The following FANCA variants were observed in gnomAD, a reference collection of about 807,000 sequenced individuals.
FANCA encodes the protein FA complementation group A.
A neutral mutation model predicts 194.3 loss-of-function variants in FANCA; 236 were observed. That is an observed-to-expected ratio of 1.21 (90% CI 1.09 to 1.35). The LOEUF (loss-of-function observed/expected upper bound fraction) is 1.35. Ranked by LOEUF, FANCA falls within the 40% of genes most tolerant of loss-of-function variation. The pLI is 0.00. For missense variants in FANCA, 2,628 were observed against 1,813.9 expected, an observed-to-expected ratio of 1.45 and a Z score of -8.15; for synonymous variants, 1,014 against 715.8, an observed-to-expected ratio of 1.42 and a Z score of -6.65.
chr16:89,789,282 G>A (rs536374725), intron 14 of FANCA, among the ~76,000 whole-genome samples: 1 of 133,536 alleles, frequency 7.5e-6, no homozygotes, highest in East Asian at 3.0e-4. Context: ...AGCCTCCTGT[G>A]CAGCCTCAGC....
chr16:89,770,479 A>G, intron 24 of FANCA, 85 bp downstream of exon 24: 3 of 1,310,864 alleles, frequency 2.3e-6, no homozygotes, highest in South Asian at 2.5e-5. Flanking sequence ...AGACGAGCTC[A>G]TGAGTCCCTG....
At chr16:89,756,305 T>C (rs1225866617) in intron 30 of FANCA, among the ~76,000 whole-genome samples, 3 of 152,126 alleles carry the variant, frequency 2.0e-5, no homozygotes, top group Admixed American at 2.0e-4. Context: ...GAAACCACTA[T>C]CAAATAGCAC....
At chr16:89,744,184 C>G (rs563289024) in intron 36 of FANCA, among the ~76,000 whole-genome samples, 2 of 152,216 alleles carry the variant, frequency 1.3e-5, no homozygotes, top group African/African-American at 4.8e-5. Context: ...TGTGCGCCAC[C>G]GCGCCGGGGC....
chr16:89,808,428 C>G, intron 5 of FANCA, 61 bp from the exon 6 acceptor site: 1 of 1,507,894 alleles, frequency 6.6e-7, no homozygotes, highest in Non-Finnish European at 9.2e-7. Flanking sequence ...ATTCTGAGTC[C>G]TTTATGAATG....
chr16:89,747,054 T>C (rs2038415968), intron 33 of FANCA, among the ~76,000 whole-genome samples, 164 bp from the exon 34 acceptor site: 1 of 152,222 alleles, frequency 6.6e-6, no homozygotes, highest in Admixed American at 6.5e-5. Context: ...GCGCCCTGGC[T>C]GTGCTGTCCT....
Position 89,791,964 on chromosome 16 carries a change from C to T in FANCA, c.1188G>A (p.Leu396=), listed in dbSNP as rs759626747. 1 of 1,614,198 alleles carries T rather than the reference C, an allele frequency of 6.2e-7. No homozygotes were observed. The change falls in exon 13 of 43, where the codon CTG becomes CTA. Residue 396 remains leucine, a synonymous_variant. Transcript: ENST00000389301. ...WQRVLSFVSA[L]VVCFPEAQQL... Reference sequence around the variant, plus strand: ...GCTGCGCTTCTGGAAAGCAGACAACCAGGGCAGACACAAAGGAGAGCACTC... The same window carrying T: ...GCTGCGCTTCTGGAAAGCAGACAACTAGGGCAGACACAAAGGAGAGCACTC...
intron 6 of FANCA, among the ~76,000 whole-genome samples, chr16:89,806,419 G>A (rs4544242): frequency 0.45 from 65,972 of 145,668 alleles, 16,137 homozygotes; most frequent in East Asian, 0.98. Flanking sequence ...CAGGGTCATA[G>A]GACAATGGTG....
At position 89,737,968 on chromosome 16, in the gene FANCA, T is replaced by TC. The variant is rs2062004417; in HGVS notation, c.*632dup. 2.5e-6 allele frequency: 4 copies of TC among 1,613,924 alleles called. No individual in the cohort carries two copies. Among genetic ancestry groups the TC allele is most frequent in the Non-Finnish European group, 2.5e-6 (3 of 1,179,986 alleles). ...CCTCGCACCTTCTTATCTGCCTCTG[T>TC]CCCCCAGGTGTGAGGTCTGTGGGTT... On this transcript the variant is annotated 3_prime_UTR_variant, in exon 43 of 43. Coordinates refer to ENST00000389301, the MANE Select transcript of FANCA (RefSeq NM_000135.4).
chr16:89,767,322 G>T (rs1326653432), intron 26 of FANCA, 85 bp from the exon 27 acceptor site: 1 of 968,970 alleles, frequency 1.0e-6, no homozygotes, highest in Non-Finnish European at 1.6e-6. Context: ...TCATAAAACT[G>T]AATTTAGTGC....
chr16:89,795,873 G>C, intron 11 of FANCA, 33 bp downstream of exon 11: 1 of 1,516,820 alleles, frequency 6.6e-7, no homozygotes, highest in Non-Finnish European at 9.2e-7. Flanking sequence ...CCCAAAATGG[G>C]TAGCAACTGA....
chr16:89,761,868 T>G, intron 29 of FANCA, 81 bp downstream of exon 29: 3 of 1,117,152 alleles, frequency 2.7e-6, no homozygotes. Flanking sequence ...TCAAGAGATC[T>G]CCTGCCTCAG....
intron 36 of FANCA, among the ~76,000 whole-genome samples, chr16:89,743,428 G>A (rs2062180104): frequency 6.6e-6 from 1 of 152,192 alleles, no homozygotes; most frequent in African/African-American, 2.4e-5. Context: ...AAATAAGCTG[G>A]GCATGACGGT....
intron 14 of FANCA, among the ~76,000 whole-genome samples, chr16:89,785,501 G>T (rs925068616): frequency 6.6e-6 from 1 of 152,198 alleles, no homozygotes; most frequent in African/African-American, 2.4e-5. Flanking sequence ...CCACCCCTCA[G>T]ACAATGAAGC....
At chr16:89,742,653 C>CAAAAAAAAAACAAAAAAAAAAAA in intron 37 of FANCA, 147 bp downstream of exon 37, 1 of 274,614 alleles carries the variant, frequency 3.6e-6, no homozygotes, top group Non-Finnish European at 6.0e-6. Context: ...ACTAAAAATA[C>CAAAAAAAAAACAAAAAAAAAAAA]AAAAAAAAAA....
chr16:89,752,584 T>C (rs1016596499), intron 30 of FANCA, among the ~76,000 whole-genome samples: 1 of 152,256 alleles, frequency 6.6e-6, no homozygotes, highest in African/African-American at 2.4e-5. Context: ...TGAATATCAT[T>C]AATCATTAGT....
intron 10 of FANCA, among the ~76,000 whole-genome samples, chr16:89,797,608 T>C (rs1598161969): frequency 6.6e-6 from 1 of 152,106 alleles, no homozygotes; most frequent in South Asian, 2.1e-4. Context: ...CCAGGTGCGG[T>C]GGCTCACGCC....
intron 30 of FANCA, 99 bp downstream of exon 30, chr16:89,758,478 C>T (rs1488035066): frequency 6.8e-7 from 1 of 1,466,416 alleles, no homozygotes; most frequent in African/African-American, 1.4e-5. Context: ...CCACCCTAAG[C>T]TAATTAGATG....
In FANCA at chr16:89,801,261, G is replaced by A. The variant is rs184011235; in HGVS notation, c.793-1623C>T. ...CAGGAGGCTGAGGCAGGAGAATGGC[G>A]TGAACCCCGGAGGCGGAGCTTGCAG... On this transcript the variant is annotated intron_variant, in intron 8 of 42. Coordinates refer to ENST00000389301, the MANE Select transcript of FANCA (RefSeq NM_000135.4). Among the ~76,000 whole-genome samples, 688 of 142,858 alleles carry A rather than the reference G, an allele frequency of 4.8e-3. 5 individuals carry two copies. Among genetic ancestry groups the A allele is most frequent in the African/African-American group, 0.017 (653 of 38,262 alleles). The allele number at this position is 142,858 out of a possible 152,430, so 93.7% of individuals were successfully genotyped here. A position where few individuals can be genotyped will look rare whatever the true frequency, so the allele number is the denominator to read the frequency against.
At chr16:89,745,807 G>A (rs567137276) in intron 35 of FANCA, among the ~76,000 whole-genome samples, 95 of 150,018 alleles carry the variant, frequency 6.3e-4, no homozygotes, top group Middle Eastern at 3.5e-3. Context: ...AGCTGGGAAC[G>A]AAACAGTGAA....
Sources: gnomAD v4.1 joint callset for allele counts (sites outside exome capture counted in the v4.1 genomes callset) on GRCh38, gnomAD v4.1.1 for gene constraint, MANE v1.5 for transcripts, NCBI Gene and HGNC (gene_info 2026-07-23, HGNC 2026-07-21) for gene names.